GRM7: variants seen among roughly 807,000 people sequenced by gnomAD.
GRM7 encodes the protein metabotropic glutamate receptor 7.
A neutral mutation model predicts 84.5 loss-of-function variants in GRM7; 35 were observed. The ratio of observed to expected loss-of-function variants is 0.41; its 90% CI spans 0.32 to 0.55. GRM7 has a LOEUF of 0.55. GRM7 is among the 20% of genes least tolerant of loss of function. The pLI, the probability that GRM7 is intolerant of heterozygous loss-of-function variation, is 0.19. For synonymous variants in GRM7, 487 were observed against 455.1 expected (o/e 1.07, Z -0.89); for missense variants, 1,003 against 1,194.6 (o/e 0.84, Z 2.36).
chr3:7,341,530 G>T (rs187381352), intron 4 of GRM7, among the ~76,000 whole-genome samples: 1 of 152,104 alleles, frequency 6.6e-6, no homozygotes. Context: ...TGAGAAAATT[G>T]TCCCTCTCTT....
At chr3:7,169,775 A>C (rs777436842) in intron 2 of GRM7, among the ~76,000 whole-genome samples, 29 of 152,214 alleles carry the variant, frequency 1.9e-4, no homozygotes, top group Non-Finnish European at 3.8e-4. Context: ...ATAGAGACGT[A>C]CTTTTGCCAA....
chr3:7,412,847 G>A (rs572164482), intron 4 of GRM7, among the ~76,000 whole-genome samples: 1 of 151,828 alleles, frequency 6.6e-6, no homozygotes, highest in African/African-American at 2.4e-5. Flanking sequence ...TGTTTCCAGC[G>A]AACCAAAACT....
chr3:7,516,967 A>G (rs564843550), intron 7 of GRM7, among the ~76,000 whole-genome samples: 1 of 152,186 alleles, frequency 6.6e-6, no homozygotes, highest in East Asian at 1.9e-4. Flanking sequence ...TGTAGACCCC[A>G]CCTGCCCTCT....
At chr3:6,935,494 C>T (rs1303577492) in intron 1 of GRM7, among the ~76,000 whole-genome samples, 1 of 151,640 alleles carries the variant, frequency 6.6e-6, no homozygotes, top group Non-Finnish European at 1.5e-5. Context: ...TTCTTTGTGA[C>T]AGTTTCTGGT....
chr3:7,339,787 T>C (rs1324756823), intron 4 of GRM7, among the ~76,000 whole-genome samples: 2 of 152,124 alleles, frequency 1.3e-5, no homozygotes, highest in African/African-American at 4.8e-5. Flanking sequence ...GCTTTGTGAT[T>C]TTTTTTCCTA....
intron 2 of GRM7, among the ~76,000 whole-genome samples, chr3:7,226,218 G>A (rs575682336): frequency 6.6e-6 from 1 of 152,240 alleles, no homozygotes; most frequent in East Asian, 1.9e-4. Flanking sequence ...TTGATTATCT[G>A]ACAGTTATAG....
chr3:7,532,183 C>A (rs1701062897), intron 7 of GRM7, among the ~76,000 whole-genome samples: 1 of 152,060 alleles, frequency 6.6e-6, no homozygotes, highest in Admixed American at 6.6e-5. Flanking sequence ...GGAATAGTTT[C>A]AGAAGGAATG....
intron 7 of GRM7, among the ~76,000 whole-genome samples, chr3:7,550,615 G>C (rs1454724702): frequency 7.6e-6 from 1 of 132,354 alleles, no homozygotes; most frequent in Non-Finnish European, 1.6e-5. Context: ...GTGTGTGTGT[G>C]TGTATTTTCT....
rs17653724 is a variant in GRM7 at position 7,360,221 on chromosome 3, A to G, written c.1033+53569A>G. Among the ~76,000 whole-genome samples the G allele has an allele frequency of 3.0e-3, 441 of 146,916 alleles. 21 individuals carry two copies. Among genetic ancestry groups the G allele is most frequent in the Non-Finnish European group, 5.2e-3 (347 of 66,952 alleles). ...GAATAATGACTAAATGGGTCTTTGA[A>G]TAAACCTAAATTTGTTTATTCGCAA... is the stretch of plus-strand genomic sequence containing the variant. On this transcript the variant is annotated intron_variant, in intron 4 of 9. Coordinates refer to ENST00000357716, the MANE Select transcript of GRM7 (RefSeq NM_000844.4).
chr3:6,927,479 A>AAGAAAGAAAGATAGAT (rs777739016), intron 1 of GRM7, among the ~76,000 whole-genome samples: 1 of 79,018 alleles, frequency 1.3e-5, no homozygotes, highest in Non-Finnish European at 3.7e-5. Flanking sequence ...GAAAGAAAGA[A>AAGAAAGAAAGATAGAT]AGAAAGAAAG....
chr3:7,268,616 T>A (rs1698736558), intron 2 of GRM7, among the ~76,000 whole-genome samples: 1 of 152,174 alleles, frequency 6.6e-6, no homozygotes, highest in Admixed American at 6.5e-5. Context: ...TCTGATGAGC[T>A]GAGCAGAGAA....
chr3:7,509,072 C>A (rs1170245705), intron 7 of GRM7, among the ~76,000 whole-genome samples: 1 of 152,130 alleles, frequency 6.6e-6, no homozygotes, highest in African/African-American at 2.4e-5. Context: ...TGCTTCATCC[C>A]ACCCAGGATG....
intron 8 of GRM7, among the ~76,000 whole-genome samples, chr3:7,649,940 T>C: frequency 6.6e-6 from 1 of 152,216 alleles, no homozygotes; most frequent in Non-Finnish European, 1.5e-5. Flanking sequence ...AATAGATTGT[T>C]ATTTTTATAA....
intron 1 of GRM7, among the ~76,000 whole-genome samples, chr3:7,124,377 A>G (rs1693327972): frequency 6.6e-6 from 1 of 152,152 alleles, no homozygotes; most frequent in Admixed American, 6.5e-5. Flanking sequence ...ATGGTGGCTC[A>G]CGCTTGTAAT....
intron 2 of GRM7, among the ~76,000 whole-genome samples, chr3:7,298,235 TA>T: frequency 6.6e-6 from 1 of 152,220 alleles, no homozygotes; most frequent in Non-Finnish European, 1.5e-5. Context: ...GAGATGGGTA[TA>T]AAGGGAAAAA....
chr3:7,715,285 C>A (rs1315583337), intron 9 of GRM7, among the ~76,000 whole-genome samples: 2 of 147,772 alleles, frequency 1.4e-5, no homozygotes, highest in East Asian at 1.9e-4. Context: ...CATAGCAAGA[C>A]CCCATCTCTA....
chr3:7,340,418 T>C (rs1406841384), intron 4 of GRM7, among the ~76,000 whole-genome samples: 2 of 151,992 alleles, frequency 1.3e-5, no homozygotes, highest in Non-Finnish European at 1.5e-5. Flanking sequence ...AGAGTGTGTA[T>C]GGGAAGCAAA....
intron 9 of GRM7, among the ~76,000 whole-genome samples, chr3:7,698,153 T>G (rs1701089671): frequency 6.6e-6 from 1 of 152,220 alleles, no homozygotes; most frequent in East Asian, 1.9e-4. Context: ...TTATGCCAGA[T>G]GTATGTAAAG....
chr3:7,065,547 A>C (rs569953881), intron 1 of GRM7, among the ~76,000 whole-genome samples: 9 of 151,998 alleles, frequency 5.9e-5, no homozygotes, highest in Admixed American at 4.6e-4. Flanking sequence ...CCATTGGTCT[A>C]TGTGCCTATT....
Sources: gnomAD v4.1 joint callset for allele counts (sites outside exome capture counted in the v4.1 genomes callset) on GRCh38, gnomAD v4.1.1 for gene constraint, MANE v1.5 for transcripts, NCBI Gene and HGNC (gene_info 2026-07-23, HGNC 2026-07-21) for gene names.